PTPRD: variants seen among roughly 807,000 people sequenced by gnomAD.
PTPRD encodes receptor-type tyrosine-protein phosphatase delta.
PTPRD carries 34 observed loss-of-function variants against 214.5 expected under a neutral mutation model. That is an observed-to-expected ratio of 0.16 (90% CI 0.12 to 0.21). PTPRD has a LOEUF of 0.21. Among genes scored for constraint, PTPRD ranks in the 10% least tolerant of loss-of-function variants. PTPRD has a pLI of 1.00. For missense variants in PTPRD, 2,545 were observed against 2,398.7 expected, an observed-to-expected ratio of 1.06 and a Z score of -1.27; for synonymous variants, 1,128 against 845.7, an observed-to-expected ratio of 1.33 and a Z score of -5.79.
intron 3 of PTPRD, among the ~76,000 whole-genome samples, chr9:10,112,802 T>G (rs1421699480): frequency 6.6e-6 from 1 of 152,228 alleles, no homozygotes; most frequent in African/African-American, 2.4e-5. Flanking sequence ...TCCCCTTACC[T>G]CTCTGTAGAT....
At chr9:10,525,484 T>A (rs1027468984) in intron 2 of PTPRD, among the ~76,000 whole-genome samples, 3 of 152,024 alleles carry the variant, frequency 2.0e-5, no homozygotes, top group Non-Finnish European at 4.4e-5. Flanking sequence ...AAACTTAAGA[T>A]TTCAGGGCAC....
intron 14 of PTPRD, among the ~76,000 whole-genome samples, chr9:8,539,175 A>G (rs2077715630): frequency 6.6e-6 from 1 of 152,092 alleles, no homozygotes; most frequent in Non-Finnish European, 1.5e-5. Flanking sequence ...ACTGATATAA[A>G]TAACTGAGTA....
At chr9:10,030,232 T>A (rs1440189348) in intron 4 of PTPRD, among the ~76,000 whole-genome samples, 1 of 152,172 alleles carries the variant, frequency 6.6e-6, no homozygotes. Flanking sequence ...TTTTTCGAGT[T>A]AAATGATAAG....
chr9:8,940,803 C>G (rs1200407949), intron 11 of PTPRD, among the ~76,000 whole-genome samples: 1 of 144,044 alleles, frequency 6.9e-6, no homozygotes, highest in Admixed American at 7.2e-5. Context: ...ATTCTCTTCT[C>G]AAAACTACCA....
chr9:10,224,526 A>G (rs2099582351), intron 3 of PTPRD, among the ~76,000 whole-genome samples: 1 of 152,164 alleles, frequency 6.6e-6, no homozygotes, highest in African/African-American at 2.4e-5. Context: ...ATTTTTCTCT[A>G]CTTAAACACT....
At chr9:10,082,929 A>G (rs1261109279) in intron 3 of PTPRD, among the ~76,000 whole-genome samples, 1 of 151,916 alleles carries the variant, frequency 6.6e-6, no homozygotes, top group Non-Finnish European at 1.5e-5. Context: ...ATGATTATTC[A>G]AAAGGAAACT....
chr9:8,941,169 A>C (rs2099031741), intron 11 of PTPRD, among the ~76,000 whole-genome samples: 1 of 152,194 alleles, frequency 6.6e-6, no homozygotes, highest in South Asian at 2.1e-4. Context: ...TTCTAAAATC[A>C]AGTTTAAAAA....
At chr9:9,386,251 T>A (rs2063831381) in intron 9 of PTPRD, among the ~76,000 whole-genome samples, 1 of 152,148 alleles carries the variant, frequency 6.6e-6, no homozygotes, top group South Asian at 2.1e-4. Context: ...CTGGCAGGCA[T>A]GAGTCTACAG....
chr9:9,911,630 C>CA (rs1235003603), intron 5 of PTPRD, among the ~76,000 whole-genome samples: 1 of 151,916 alleles, frequency 6.6e-6, no homozygotes, highest in Non-Finnish European at 1.5e-5. Context: ...TATCAGACTT[C>CA]AAAAAAATGT....
chr9:9,774,517 G>C (rs2098780775), intron 5 of PTPRD, among the ~76,000 whole-genome samples: 1 of 152,242 alleles, frequency 6.6e-6, no homozygotes, highest in African/African-American at 2.4e-5. Context: ...AATTGTAGTT[G>C]TCTGATTAAT....
intron 11 of PTPRD, among the ~76,000 whole-genome samples, chr9:8,823,683 G>A (rs76548339): frequency 4.6e-5 from 2 of 43,598 alleles, no homozygotes; most frequent in African/African-American, 1.6e-4. Flanking sequence ...AAAGGAAAGG[G>A]AAAGGAAAGG....
intron 11 of PTPRD, among the ~76,000 whole-genome samples, chr9:8,851,074 G>A (rs1252073063): frequency 1.3e-5 from 2 of 151,850 alleles, no homozygotes; most frequent in African/African-American, 2.4e-5. Context: ...TTTGACCTCA[G>A]AGCAAACCCC....
chr9:9,885,921 G>A (rs866805207), intron 5 of PTPRD, among the ~76,000 whole-genome samples: 1 of 151,694 alleles, frequency 6.6e-6, no homozygotes, highest in African/African-American at 2.4e-5. Flanking sequence ...AAAGAGATCT[G>A]TGAGTGTAGA....
At chr9:9,484,735 G>T (rs1484215552) in intron 8 of PTPRD, among the ~76,000 whole-genome samples, 1 of 152,072 alleles carries the variant, frequency 6.6e-6, no homozygotes, top group Non-Finnish European at 1.5e-5. Flanking sequence ...GGTCATATAG[G>T]TATTACATTG....
At chr9:8,380,384 CAG>C (rs377091214) in intron 37 of PTPRD, among the ~76,000 whole-genome samples, 7 of 152,204 alleles carry the variant, frequency 4.6e-5, no homozygotes, top group African/African-American at 1.7e-4. Context: ...GTGTTCAACT[CAG>C]AGGTGGAAAA....
At chr9:8,589,503 C>T (rs1346640414) in intron 14 of PTPRD, among the ~76,000 whole-genome samples, 1 of 152,140 alleles carries the variant, frequency 6.6e-6, no homozygotes, top group Non-Finnish European at 1.5e-5. Flanking sequence ...TGAAAACCTT[C>T]CAACCTAATT....
At chr9:8,841,482 G>A (rs1459930116) in intron 11 of PTPRD, among the ~76,000 whole-genome samples, 1 of 151,484 alleles carries the variant, frequency 6.6e-6, no homozygotes, top group Non-Finnish European at 1.5e-5. Flanking sequence ...CACAGTTCAT[G>A]ATTCTGAGCA....
rs145295887 is a variant in PTPRD at position 8,462,744 on chromosome 9, C to G, written c.3715-2173G>C. ...GGCAGTGATCGGTCATTCCCCTCTA[C>G]TAAAAAAACCAAAAAAGATAAAAAT... On this transcript the variant is annotated intron_variant, in intron 32 of 45. Transcript: ENST00000381196. Among the ~76,000 whole-genome samples, 1,001 of 151,894 alleles carry G rather than the reference C, an allele frequency of 6.6e-3. 11 individuals are homozygous for G. The highest frequency in any genetic ancestry group is 0.023 in the African/African-American group (942 of 41,442).
intron 2 of PTPRD, among the ~76,000 whole-genome samples, chr9:10,391,514 C>T (rs892260843): frequency 3.3e-5 from 5 of 151,736 alleles, no homozygotes; most frequent in Admixed American, 1.3e-4. Flanking sequence ...TTAGAAGCTG[C>T]TTATTTTTCT....
Sources: gnomAD v4.1 joint callset for allele counts (sites outside exome capture counted in the v4.1 genomes callset) on GRCh38, gnomAD v4.1.1 for gene constraint, MANE v1.5 for transcripts, NCBI Gene and HGNC (gene_info 2026-07-23, HGNC 2026-07-21) for gene names.